Variants in MMEL1 observed in about 807,000 individuals in gnomAD.
MMEL1 encodes membrane metallo-endopeptidase-like 1.
A neutral mutation model predicts 117.1 loss-of-function variants in MMEL1; 98 were observed. The ratio of observed to expected loss-of-function variants is 0.84; its 90% CI spans 0.71 to 0.99. The LOEUF is 0.99. MMEL1 is among the 50% of genes least tolerant of loss of function. MMEL1 has a pLI of 0.00. For synonymous variants in MMEL1, 390 were observed against 415.1 expected, an observed-to-expected ratio of 0.94 and a Z score of 0.74; for missense variants, 1,014 against 1,049.1, an observed-to-expected ratio of 0.97 and a Z score of 0.46.
At position 2,612,970 on chromosome 1, in the gene MMEL1, C is replaced by A. The variant is rs947504295; in HGVS notation, c.155-766G>T. Among the ~76,000 whole-genome samples the A allele has an allele frequency of 6.6e-6, 1 of 152,178 alleles. No individual in the cohort carries two copies. The highest frequency in any genetic ancestry group is 2.4e-5 in the African/African-American group (1 of 41,440). ...AGGAGGGAACAGGGCTCGTTCAGGTCAGGGCTGTTGGCAGGCCTGGAACCT... is the reference window on the plus strand; with the variant it reads ...AGGAGGGAACAGGGCTCGTTCAGGTAAGGGCTGTTGGCAGGCCTGGAACCT... On this transcript the variant is annotated intron_variant, in intron 2 of 23. Transcript: ENST00000378412. This position sits in a 1 kb window ranked among gnomAD's most constrained non-coding sequence, Gnocchi z 5.4.
Position 2,606,321 on chromosome 1 carries a change from T to G in MMEL1, c.677A>C (p.Gln226Pro). 3.7e-6 allele frequency: 6 copies of G among 1,612,742 alleles called. No homozygotes were observed. Among genetic ancestry groups the G allele is most frequent in the Non-Finnish European group, 5.1e-6 (6 of 1,179,922 alleles). Residue 226 changes from glutamine (Q) to proline (P), a missense_variant, in exon 8 of 24, where the codon CAG (glutamine) becomes CCG (proline). Gln to Pro is a moderately conservative substitution (Grantham distance 76, BLOSUM62 -1). Coordinates refer to ENST00000378412, the MANE Select transcript of MMEL1 (RefSeq NM_033467.4). ...LERQLALMNS[Q>P]FNRRVLIDLF... is the part of the protein sequence containing the mutation. ...GTCGATGAGGACGCGCCTGTTGAAC[T>G]GTGAGTTCATCAGCGCCAGCTGCCG...
chr1:2,591,980 G>A lies in MMEL1; in HGVS notation c.2115C>T (p.Pro705=), dbSNP rs375078930. The part of the protein sequence containing the change: ...MAEGGKDQQL[P]GLDLTHEQLF... ...GCTGCTCATGGGTGAGATCCAGGCC[G>A]GGCAGCTGCTGGTCCTTGCCACCCT... The change falls in exon 22 of 24, where the codon CCC becomes CCT. Residue 705 remains proline, a synonymous_variant. Transcript: ENST00000378412. 5.8e-5 allele frequency: 93 copies of A among 1,613,174 alleles called. No homozygotes were observed. Among genetic ancestry groups the A allele is most frequent in the Non-Finnish European group, 7.0e-5 (83 of 1,179,844 alleles).
intron 19 of MMEL1, 113 bp downstream of exon 19, chr1:2,593,701 C>T (rs1212326130): frequency 1.7e-5 from 24 of 1,389,714 alleles, no homozygotes; most frequent in Middle Eastern, 2.5e-4. Flanking sequence ...GACCTGGCCT[C>T]GGTGTCCCCA....
chr1:2,606,299 G>A lies in MMEL1; in HGVS notation c.699C>T (p.Ile233=), dbSNP rs781404046. 3.5e-5 allele frequency: 57 copies of A among 1,613,024 alleles called. No individual in the cohort carries two copies. The highest frequency in any genetic ancestry group is 4.4e-5 in the Non-Finnish European group (52 of 1,179,978). Reference sequence around the variant, plus strand: ...GGTCGTCGTTCCAGATGAAGAGGTCGATGAGGACGCGCCTGTTGAACTGTG... The same window carrying A: ...GGTCGTCGTTCCAGATGAAGAGGTCAATGAGGACGCGCCTGTTGAACTGTG... ...MNSQFNRRVL[I]DLFIWNDDQN... Residue 233 remains isoleucine (I), a synonymous_variant, in exon 8 of 24, where the codon ATC becomes ATT. Coordinates refer to ENST00000378412, the MANE Select transcript of MMEL1 (RefSeq NM_033467.4).
At chr1:2,628,713 G>GC (rs1018956545) in intron 2 of MMEL1, among the ~76,000 whole-genome samples, 3 of 151,822 alleles carry the variant, frequency 2.0e-5, no homozygotes, top group Non-Finnish European at 2.9e-5. Flanking sequence ...GACAGCCGGG[G>GC]GCGGGGGGAG....
In MMEL1 at chr1:2,609,801, G is replaced by A. The variant is rs1158534326; in HGVS notation, c.323C>T (p.Thr108Ile). 1 of 1,612,908 alleles carries A rather than the reference G, an allele frequency of 6.2e-7. No homozygotes were observed. ...GTAGAAGTCGTCACACGGTTCCGTG[G>A]TCGGGTCCATGTTCTGGAGGATCCT... ...AARILQNMDPTTEPCDDFYQF... is the reference protein window; with the variant it reads ...AARILQNMDPITEPCDDFYQF... The change falls in exon 5 of 24, where the codon ACC (threonine) becomes ATC (isoleucine). Residue 108 changes from threonine (T) to isoleucine (I), a missense_variant. Thr to Ile is a moderately conservative substitution (Grantham distance 89). Coordinates refer to ENST00000378412, the MANE Select transcript of MMEL1 (RefSeq NM_033467.4).
At chr1:2,600,509 G>A (rs1644913338) in intron 11 of MMEL1, among the ~76,000 whole-genome samples, 1 of 150,030 alleles carries the variant, frequency 6.7e-6, no homozygotes, top group South Asian at 2.1e-4. Context: ...GACCAGCCTG[G>A]CCAACATAGA....
rs2100951036 is a variant in MMEL1, at chr1:2,612,321, C to T, written c.155-117G>A. On this transcript the variant is annotated intron_variant, in intron 2 of 23. Transcript: ENST00000378412. The surrounding 1 kb of genome is among the most constrained non-coding windows in gnomAD (Gnocchi z 5.4). ...ACAGTGCTGGGTGCTGCAGCCCTACCCCTGTAGTGAGGGCTGGTCCCCAGG... is the reference window on the plus strand; with the variant it reads ...ACAGTGCTGGGTGCTGCAGCCCTACTCCTGTAGTGAGGGCTGGTCCCCAGG... The T allele has an allele frequency of 1.2e-6, 1 of 809,606 alleles. No homozygotes were observed. Among genetic ancestry groups the T allele is most frequent in the East Asian group, 2.7e-5 (1 of 37,458 alleles). 50.2% of individuals were successfully genotyped at this position (809,606 alleles called of 1,614,324 possible).
Position 2,612,177 on chromosome 1 carries a change from C to A in MMEL1, c.182G>T (p.Arg61Leu). 3 of 1,579,212 alleles carry A rather than the reference C, an allele frequency of 1.9e-6. No homozygotes were observed. The highest frequency in any genetic ancestry group is 2.6e-6 in the Non-Finnish European group (3 of 1,161,232). Residue 61 changes from arginine to leucine, a missense_variant, in exon 3 of 24, where the codon CGG becomes CTG. Physicochemically the swap from Arg to Leu is moderately radical, Grantham distance 102. Transcript: ENST00000378412. The surrounding 1 kb of genome is among the most constrained non-coding windows in gnomAD (Gnocchi z 5.4). ...RGKQLPRLASRLCFLQEERTF... is the reference protein window; with the variant it reads ...RGKQLPRLASLLCFLQEERTF... ...CCTCTCCTCCTGTAAGAAGCACAGC[C>A]GGCTAGCAAGGCGTGGCAGCTGCTT... is the stretch of plus-strand genomic sequence containing the variant.
chr1:2,629,760 G>C, intron 1 of MMEL1: 1 of 389,562 alleles, frequency 2.6e-6, no homozygotes, highest in East Asian at 4.5e-5. Flanking sequence ...CCCAGCTTGG[G>C]GTCGCAAGCT....
At chr1:2,592,810 T>C in intron 20 of MMEL1, 23 bp downstream of exon 20, 3 of 1,612,988 alleles carry the variant, frequency 1.9e-6, no homozygotes, top group Non-Finnish European at 2.5e-6. Flanking sequence ...CCCCGCAGCC[T>C]GGGTGCTGGT....
intron 12 of MMEL1, 47 bp downstream of exon 12, chr1:2,598,607 C>A (rs747052073): frequency 6.2e-7 from 1 of 1,608,536 alleles, no homozygotes; most frequent in Non-Finnish European, 8.5e-7. Flanking sequence ...GATGGGAGAG[C>A]AGGGGCAAAG....
At chr1:2,620,398 T>C (rs1407253613) in intron 2 of MMEL1, among the ~76,000 whole-genome samples, 5 of 152,184 alleles carry the variant, frequency 3.3e-5, no homozygotes, top group African/African-American at 9.7e-5. Context: ...AGTTTAATGC[T>C]GATAGATTAT....
At chr1:2,596,963 C>A (rs543361444) in intron 13 of MMEL1, among the ~76,000 whole-genome samples, 1 of 152,164 alleles carries the variant, frequency 6.6e-6, no homozygotes, top group African/African-American at 2.4e-5. Flanking sequence ...GGCCCCTGTC[C>A]TGGTTGTCTG....
chr1:2,624,509 C>G (rs1320680363), intron 2 of MMEL1, among the ~76,000 whole-genome samples: 1 of 152,166 alleles, frequency 6.6e-6, no homozygotes, highest in Non-Finnish European at 1.5e-5. Flanking sequence ...GACTCATATA[C>G]CAAATGGTGC....
Position 2,591,281 on chromosome 1 carries a change from C to T in MMEL1, c.2241-192G>A, listed in dbSNP as rs1036626226. Reference sequence around the variant, plus strand: ...ATGCCAATCCTGAGAATAACCTCCCCTCCAGCCAGAGATATTCCAACTCTG... The same window carrying T: ...ATGCCAATCCTGAGAATAACCTCCCTTCCAGCCAGAGATATTCCAACTCTG... On this transcript the variant is annotated intron_variant, in intron 23 of 23. Transcript: ENST00000378412. 23 of 596,786 alleles carry T rather than the reference C, an allele frequency of 3.9e-5. No homozygotes were observed. The Middle Eastern group carries it at 1.3e-3, about 33-fold the overall frequency. 37.0% of individuals were successfully genotyped at this position (596,786 alleles called of 1,614,324 possible). A position where few individuals can be genotyped will look rare whatever the true frequency, so the allele number is the denominator to read the frequency against.
At chr1:2,630,559 ATGTG>A (rs1383021292) in intron 1 of MMEL1, among the ~76,000 whole-genome samples, 1 of 129,382 alleles carries the variant, frequency 7.7e-6, no homozygotes, top group Non-Finnish European at 1.6e-5. Flanking sequence ...TCATGTGTGC[ATGTG>A]TGTGACTGTG....
At position 2,611,150 on chromosome 1, in the gene MMEL1, G is replaced by C; in HGVS notation, c.292+131C>G. 3.3e-6 allele frequency: 3 copies of C among 899,074 alleles called. No homozygotes were observed. The South Asian group carries it at 4.9e-5, about 15-fold the overall frequency. The allele number at this position is 899,074 out of a possible 1,614,324, so 55.7% of individuals were successfully genotyped here. On this transcript the variant is annotated intron_variant, in intron 4 of 23. Coordinates refer to ENST00000378412, the MANE Select transcript of MMEL1 (RefSeq NM_033467.4). ...CCCGCTCCACAGCGAGTCCGAGTCC[G>C]GCCCACCCGGCTCCACCGCCCGCCG... is the stretch of plus-strand genomic sequence containing the variant.
Position 2,612,593 on chromosome 1 carries a change from G to C in MMEL1, c.155-389C>G, listed in dbSNP as rs1016033740. 6.6e-6 allele frequency among the ~76,000 whole-genome samples: 1 copy of C among 152,146 alleles called. No individual in the cohort carries two copies. Among genetic ancestry groups the C allele is most frequent in the Non-Finnish European group, 1.5e-5 (1 of 68,034 alleles). On this transcript the variant is annotated intron_variant, in intron 2 of 23. Coordinates refer to ENST00000378412, the MANE Select transcript of MMEL1 (RefSeq NM_033467.4). The surrounding 1 kb of genome is among the most constrained non-coding windows in gnomAD (Gnocchi z 5.4). ...TGACAAGGCCCACACAAGGTGGCAC[G>C]CTCCTGGAGTCCCACAGGGCAGGCT...
Sources: allele counts gnomAD v4.1 joint callset (sites outside exome capture counted in the v4.1 genomes callset), GRCh38; gene constraint gnomAD v4.1.1; non-coding constraint Gnocchi (gnomAD v3.1); transcripts MANE v1.5; gene names NCBI Gene and HGNC (gene_info 2026-07-23, HGNC 2026-07-21).